The following ZNF878 variants were observed in gnomAD, a reference collection of about 807,000 sequenced individuals.
ZNF878 encodes the protein zinc finger protein 878.
A neutral mutation model predicts 11.1 loss-of-function variants in ZNF878; 10 were observed. The observed-to-expected ratio is 0.90, with a 90% CI of 0.56 to 1.53. The LOEUF (loss-of-function observed/expected upper bound fraction) is 1.53, where lower values mean the gene tolerates loss of function less well. ZNF878 is among the 40% of genes most tolerant of loss of function. The probability of loss-of-function intolerance (pLI) is 0.00; values close to 1 mark genes in which losing one functional copy is unlikely to be tolerated. For synonymous variants in ZNF878, 165 were observed against 209.7 expected (o/e 0.79, Z 1.84); for missense variants, 548 against 626.1 (o/e 0.88, Z 1.33).
chr19:12,049,812 C>T (rs1004896574), intron 1 of ZNF878, among the ~76,000 whole-genome samples: 2 of 152,072 alleles, frequency 1.3e-5, no homozygotes, highest in Non-Finnish European at 2.9e-5. Context: ...ATTTTGACCA[C>T]CTTTGTGTGC....
At chr19:12,048,517 CAAAAAAAGAAAAA>C (rs1225944720) in intron 1 of ZNF878, among the ~76,000 whole-genome samples, 4 of 140,828 alleles carry the variant, frequency 2.8e-5, no homozygotes, top group South Asian at 2.3e-4. Flanking sequence ...GACTCCATCT[CAAAAAAAGAAAAA>C]AAAAAAAGAA....
chr19:12,046,440 A>C lies in ZNF878; in HGVS notation c.131-12T>G. ...GTTCCATTTTTTTCCTAAAATGCGG[A>C]CCCAGAAAAATAGTCCTGAATTAGT... is the stretch of plus-strand genomic sequence containing the variant. On this transcript the variant is annotated splice_polypyrimidine_tract_variant and intron_variant, in intron 2 of 3. Coordinates refer to ENST00000547628, the MANE Select transcript of ZNF878 (RefSeq NM_001080404.3). 1 of 1,573,234 alleles carries C rather than the reference A, an allele frequency of 6.4e-7. No homozygotes were observed. The highest frequency in any genetic ancestry group is 8.6e-7 in the Non-Finnish European group (1 of 1,159,398).
chr19:12,047,594 G>A (rs1377551890), intron 1 of ZNF878, among the ~76,000 whole-genome samples: 2 of 151,614 alleles, frequency 1.3e-5, no homozygotes, highest in Admixed American at 6.6e-5. Context: ...TAATTGATAA[G>A]AGAGTCATAA....
Position 12,044,037 on chromosome 19 carries a change from T to C in ZNF878, c.1364A>G (p.Gln455Arg). Residue 455 changes from glutamine (Q) to arginine (R), a missense_variant, in exon 4 of 4, where the codon CAA becomes CGA. Physicochemically the swap from Gln to Arg is conservative, Grantham distance 43 (BLOSUM62 1). Coordinates refer to ENST00000547628, the MANE Select transcript of ZNF878 (RefSeq NM_001080404.3). ...HTGEKPYECK[Q>R]CGKAFISSNS... ...AGAAGAAATGAAGGCTTTTCCACAT[T>C]GCTTACACTCATAGGGTTTCTCTCC... 1 of 1,614,038 alleles carries C rather than the reference T, an allele frequency of 6.2e-7. No homozygotes were observed.
rs772411680 is a variant in ZNF878, at chr19:12,044,004, ATAGAAT to A, written c.1391_1396del (p.Asn464_Ser465del). On this transcript the variant is annotated inframe_deletion, in exon 4 of 4. Coordinates refer to ENST00000547628, the MANE Select transcript of ZNF878 (RefSeq NM_001080404.3). ...AGTGTGAGTCCTTTTATGATAGCGA[ATAGAAT>A]TAGAAGAAATGAAGGCTTTTCCACA... is the stretch of plus-strand genomic sequence containing the variant. 2 of 1,610,644 alleles carry A rather than the reference ATAGAAT, an allele frequency of 1.2e-6. No individual in the cohort carries two copies. Among genetic ancestry groups the A allele is most frequent in the East Asian group, 4.5e-5 (2 of 44,700 alleles).
rs1174448579 is a variant in ZNF878 at position 12,043,868 on chromosome 19, T to C, written c.1533A>G (p.Gln511=). The C allele has an allele frequency of 1.9e-6, 3 of 1,613,692 alleles. No individual in the cohort carries two copies. The highest frequency in any genetic ancestry group is 1.7e-5 in the Admixed American group (1 of 59,890). The part of the protein sequence containing the change: ...HTGEKPYECK[Q]CGKAFRSASI... The stretch of plus-strand genomic sequence containing the variant: ...AGGCAGATCTAAAGGCTTTACCACA[T>C]TGCTTACACTCATAGGGTTTCTCTC... Residue 511 remains glutamine, a synonymous_variant, in exon 4 of 4, where the codon CAA becomes CAG. Coordinates refer to ENST00000547628, the MANE Select transcript of ZNF878 (RefSeq NM_001080404.3).
chr19:12,047,044 A>G (rs945371090), intron 1 of ZNF878, among the ~76,000 whole-genome samples: 26 of 152,080 alleles, frequency 1.7e-4, no homozygotes, highest in African/African-American at 5.6e-4. Flanking sequence ...GACTGCCCTT[A>G]ATGTCCGAAG....
In ZNF878 at chr19:12,044,082, AT is replaced by A; in HGVS notation, c.1318del (p.Met440CysfsTer87). 3 of 1,605,374 alleles carry A rather than the reference AT, an allele frequency of 1.9e-6. No individual in the cohort carries two copies. Among genetic ancestry groups the A allele is most frequent in the Non-Finnish European group, 2.5e-6 (3 of 1,177,462 alleles). ...KVFRVASQLKMHERTHTGEKP... is the reference protein window; with the variant it reads ...KVFRVASQLKXHERTHTGEKP... Reference sequence around the variant, plus strand: ...CTCTCCTGTGTGAGTCCTTTCATGCATTTTAAGTTGTGAGGCAACTCTAAAG... The same window carrying A: ...CTCTCCTGTGTGAGTCCTTTCATGCATTTAAGTTGTGAGGCAACTCTAAAG... On this transcript the variant is annotated frameshift_variant, in exon 4 of 4. Coordinates refer to ENST00000547628, the MANE Select transcript of ZNF878 (RefSeq NM_001080404.3). LOFTEE classifies it low-confidence loss of function (END_TRUNC).
chr19:12,044,524 T>G lies in ZNF878; in HGVS notation c.877A>C (p.Arg293=). 6.2e-7 allele frequency: 1 copy of G among 1,613,860 alleles called. No individual in the cohort carries two copies. Among genetic ancestry groups the G allele is most frequent in the East Asian group, 2.2e-5 (1 of 44,862 alleles). The change falls in exon 4 of 4, where the codon AGA becomes CGA. Residue 293 remains arginine, a synonymous_variant. Coordinates refer to ENST00000547628, the MANE Select transcript of ZNF878 (RefSeq NM_001080404.3). ...YECTQCRKAF[R]SVKYLRVHER... ...TGTACTCGCAGGTACTTGACAGATC[T>G]GAAGGCTTTCCTACATTGTGTACAC...
At chr19:12,046,596 C>T (rs752321177) in intron 2 of ZNF878, 38 bp downstream of exon 2, 2 of 1,613,288 alleles carry the variant, frequency 1.2e-6, no homozygotes, top group African/African-American at 2.7e-5. Flanking sequence ...AACACCTGTT[C>T]TTTAATTCAC....
chr19:12,046,695 A>G lies in ZNF878; in HGVS notation c.69T>C (p.Pro23=). The G allele has an allele frequency of 6.2e-7, 1 of 1,614,074 alleles. No homozygotes were observed. The highest frequency in any genetic ancestry group is 8.5e-7 in the Non-Finnish European group (1 of 1,179,998). ...CTTCCCTGTAGAGATTTTTCTGGGA[A>G]GGATCCAGCAAAGCCCACTCCTCCT... ...FTQEEWALLD[P]SQKNLYREVM... Residue 23 remains proline (P), a synonymous_variant, in exon 2 of 4, where the codon CCT becomes CCC. Transcript: ENST00000547628.
At chr19:12,046,103 T>C in intron 3 of ZNF878, 1 of 403,624 alleles carries the variant, frequency 2.5e-6, no homozygotes. Flanking sequence ...GGTCTCACCC[T>C]GTGGCCCAGG....
chr19:12,044,453 A>G lies in ZNF878; in HGVS notation c.948T>C (p.Cys316=), dbSNP rs745760062. 1 of 1,613,936 alleles carries G rather than the reference A, an allele frequency of 6.2e-7. No homozygotes were observed. The change falls in exon 4 of 4, where the codon TGT becomes TGC. Residue 316 remains cysteine, a synonymous_variant. Coordinates refer to ENST00000547628, the MANE Select transcript of ZNF878 (RefSeq NM_001080404.3). Reference sequence around the variant, plus strand: ...AAGTGGAAGAAATAAATCCCTTACCACATAGCTTACACTCATAGGGTTTCT... The same window carrying G: ...AAGTGGAAGAAATAAATCCCTTACCGCATAGCTTACACTCATAGGGTTTCT... ...TGEKPYECKL[C]GKGFISSTSF...
chr19:12,052,431 C>G (rs926366912), intron 1 of ZNF878, among the ~76,000 whole-genome samples: 7 of 152,198 alleles, frequency 4.6e-5, no homozygotes, highest in African/African-American at 1.7e-4. Context: ...AAAAAAGGAA[C>G]TGGGGACCCC....
rs759424150 is a variant in ZNF878, at chr19:12,044,217, T to C, written c.1184A>G (p.Tyr395Cys). The C allele has an allele frequency of 2.5e-6, 4 of 1,614,044 alleles. No homozygotes were observed. The highest frequency in any genetic ancestry group is 2.2e-5 in the South Asian group (2 of 91,076). Residue 395 changes from tyrosine to cysteine, a missense_variant, in exon 4 of 4, where the codon TAT becomes TGT. By Grantham distance (194) the Tyr-to-Cys change is radical. Around this residue, in one of 3 missense-constraint regions of ZNF878, gnomAD observed 335 missense variants for 358.2 expected, o/e 0.94. Transcript: ENST00000547628. ...GGCTTTCCCACATTGCTTACACTCATAGGGTTTCTCTCCAGTGTGAGTCCT... is the reference window on the plus strand; with the variant it reads ...GGCTTTCCCACATTGCTTACACTCACAGGGTTTCTCTCCAGTGTGAGTCCT... Reference protein sequence around the residue: ...HERTHTGEKPYECKQCGKAFR... With the variant: ...HERTHTGEKPCECKQCGKAFR...
chr19:12,044,375 T>C lies in ZNF878; in HGVS notation c.1026A>G (p.Lys342=), dbSNP rs1389854128. ...CAAAACTGAAGGCTTTCACACATTT[T>C]TTACATTCATAAGGTTTCTCTCCAG... The part of the protein sequence containing the change: ...THTGEKPYEC[K]KCVKAFSFVK... The change falls in exon 4 of 4, where the codon AAA becomes AAG. Residue 342 remains lysine, a synonymous_variant. Coordinates refer to ENST00000547628, the MANE Select transcript of ZNF878 (RefSeq NM_001080404.3). 6.2e-7 allele frequency: 1 copy of C among 1,612,860 alleles called. No homozygotes were observed. The highest frequency in any genetic ancestry group is 8.5e-7 in the Non-Finnish European group (1 of 1,179,672).
chr19:12,048,138 G>A (rs1284111125), intron 1 of ZNF878, among the ~76,000 whole-genome samples: 1 of 152,128 alleles, frequency 6.6e-6, no homozygotes, highest in Non-Finnish European at 1.5e-5. Context: ...AAACCCTTTT[G>A]GTATAACATG....
chr19:12,044,122 G>A lies in ZNF878; in HGVS notation c.1279C>T (p.Gln427Ter). The A allele has an allele frequency of 6.2e-7, 1 of 1,613,784 alleles. No individual in the cohort carries two copies. The highest frequency in any genetic ancestry group is 8.5e-7 in the Non-Finnish European group (1 of 1,179,932). ...GCAACTCTAAAGACTTTACCACATTGCTTACATCCATAGGGTTTCTCTCCT... is the reference window on the plus strand; with the variant it reads ...GCAACTCTAAAGACTTTACCACATTACTTACATCCATAGGGTTTCTCTCCT... ...HTGEKPYGCKQCGKVFRVASQ... is the reference protein window; with the variant it reads ...HTGEKPYGCK The change falls in exon 4 of 4, where the codon CAA (glutamine) becomes TAA (stop). Residue 427 changes from glutamine (Q) to a stop codon, truncating the protein, a stop_gained. Coordinates refer to ENST00000547628, the MANE Select transcript of ZNF878 (RefSeq NM_001080404.3). LOFTEE classifies it low-confidence loss of function (END_TRUNC).
chr19:12,046,205 A>G, intron 3 of ZNF878, 163 bp downstream of exon 3: 2 of 596,990 alleles, frequency 3.4e-6, no homozygotes, highest in Non-Finnish European at 2.9e-6. Context: ...GGGCTGGATT[A>G]TACACATAAG....
Sources: gnomAD v4.1 joint callset for allele counts (sites outside exome capture counted in the v4.1 genomes callset) on GRCh38, gnomAD v4.1.1 for gene constraint, gnomAD v4.1.1 regional missense constraint, MANE v1.5 for transcripts, NCBI Gene and HGNC (gene_info 2026-07-23, HGNC 2026-07-21) for gene names.